The following GRM5 variants were observed in gnomAD, a reference collection of about 807,000 sequenced individuals.
The protein encoded by GRM5 is glutamate metabotropic receptor 5.
Under a neutral mutation model 83.1 loss-of-function variants are expected in GRM5, and 19 were observed. That is an observed-to-expected ratio of 0.23 (90% CI 0.16 to 0.34). The LOEUF (loss-of-function observed/expected upper bound fraction) is 0.34. GRM5 is among the 10% of genes least tolerant of loss of function. The pLI, the probability that GRM5 is intolerant of heterozygous loss-of-function variation, is 1.00. For missense variants in GRM5, 1,160 were observed against 1,588.3 expected (o/e 0.73, Z 4.58); for synonymous variants, 675 against 633.6 (o/e 1.07, Z -0.98).
chr11:88,760,765 T>A (rs1013315974), intron 3 of GRM5, among the ~76,000 whole-genome samples: 2 of 152,006 alleles, frequency 1.3e-5, no homozygotes, highest in African/African-American at 4.8e-5. Context: ...AAAAGAAAAC[T>A]TCAGGCCAAT....
At chr11:88,781,009 C>G (rs1342561770) in intron 3 of GRM5, among the ~76,000 whole-genome samples, 1 of 151,502 alleles carries the variant, frequency 6.6e-6, no homozygotes, top group African/African-American at 2.4e-5. Context: ...TGAAAATAAC[C>G]TCAGGCTGAT....
At position 88,992,749 on chromosome 11, in the gene GRM5, C is replaced by T. The variant is rs528602335; in HGVS notation, c.661+54463G>A. 2.8e-4 allele frequency among the ~76,000 whole-genome samples: 43 copies of T among 151,770 alleles called. 1 individual carries two copies. Among genetic ancestry groups the T allele is most frequent in the Non-Finnish European group, 1.6e-4 (11 of 68,004 alleles). On this transcript the variant is annotated intron_variant, in intron 2 of 9. Coordinates refer to ENST00000305447, the MANE Select transcript of GRM5 (RefSeq NM_001143831.3). ...GGATGAAGCTGGAAACCATCATTCTCAGCAAACTATCGCAAGGACAAAAAA... is the reference window on the plus strand; with the variant it reads ...GGATGAAGCTGGAAACCATCATTCTTAGCAAACTATCGCAAGGACAAAAAA...
chr11:88,770,985 A>C (rs1942725183), intron 3 of GRM5, among the ~76,000 whole-genome samples: 1 of 152,164 alleles, frequency 6.6e-6, no homozygotes. Flanking sequence ...TTAGTCACTT[A>C]AATCAGACAT....
intron 2 of GRM5, among the ~76,000 whole-genome samples, chr11:88,860,682 T>C (rs2135550595): frequency 1.3e-5 from 2 of 152,320 alleles, no homozygotes; most frequent in Non-Finnish European, 2.9e-5. Context: ...GGTTCTGTTG[T>C]AGCCAGATTC....
intron 4 of GRM5, among the ~76,000 whole-genome samples, chr11:88,644,369 T>C (rs949119085): frequency 1.3e-5 from 2 of 152,178 alleles, no homozygotes; most frequent in African/African-American, 4.8e-5. Flanking sequence ...ACAACATTTA[T>C]AAAATGCTTG....
At chr11:89,052,392 T>C (rs528175972) in intron 1 of GRM5, among the ~76,000 whole-genome samples, 1 of 152,150 alleles carries the variant, frequency 6.6e-6, no homozygotes, top group South Asian at 2.1e-4. Context: ...AAAAGTAAGA[T>C]AAAGTGAGAG....
intron 3 of GRM5, among the ~76,000 whole-genome samples, chr11:88,808,170 A>C (rs868404763): frequency 1.1e-4 from 17 of 152,056 alleles, no homozygotes; most frequent in African/African-American, 2.9e-4. Flanking sequence ...TGGAATGCAC[A>C]GACATGTGTA....
At chr11:88,905,310 C>T (rs929815648) in intron 2 of GRM5, among the ~76,000 whole-genome samples, 18 of 152,076 alleles carry the variant, frequency 1.2e-4, no homozygotes, top group African/African-American at 4.3e-4. Flanking sequence ...CAAGAGGTTA[C>T]TTTATTATTT....
At chr11:88,659,783 A>G (rs1939856991) in intron 3 of GRM5, among the ~76,000 whole-genome samples, 1 of 152,224 alleles carries the variant, frequency 6.6e-6, no homozygotes, top group African/African-American at 2.4e-5. Flanking sequence ...AATTACGAAG[A>G]TAAAAGTCTA....
chr11:88,973,119 A>G (rs1388666063), intron 2 of GRM5, among the ~76,000 whole-genome samples: 2 of 152,204 alleles, frequency 1.3e-5, no homozygotes, highest in African/African-American at 2.4e-5. Context: ...TAAAAAGGGT[A>G]TATCTGGGAT....
chr11:88,700,911 T>C (rs1227601529), intron 3 of GRM5, among the ~76,000 whole-genome samples: 2 of 152,148 alleles, frequency 1.3e-5, no homozygotes, highest in Admixed American at 1.3e-4. Context: ...CTTTAACCAA[T>C]ACAGTGTTTC....
chr11:88,636,355 T>C (rs774683422), intron 4 of GRM5, among the ~76,000 whole-genome samples: 58 of 152,036 alleles, frequency 3.8e-4, no homozygotes, highest in Non-Finnish European at 6.6e-4. Context: ...CTACTAGAAA[T>C]ACCAAAATTA....
At chr11:88,927,884 A>T (rs992831152) in intron 2 of GRM5, among the ~76,000 whole-genome samples, 23 of 152,156 alleles carry the variant, frequency 1.5e-4, no homozygotes, top group African/African-American at 4.3e-4. Context: ...ATGATGATCA[A>T]GTGATCCTGG....
At chr11:88,794,887 T>C (rs1224692355) in intron 3 of GRM5, among the ~76,000 whole-genome samples, 1 of 152,142 alleles carries the variant, frequency 6.6e-6, no homozygotes, top group Non-Finnish European at 1.5e-5. Context: ...GACCAGTTAG[T>C]GCAAAAAAAT....
intron 3 of GRM5, among the ~76,000 whole-genome samples, chr11:88,845,423 CTTTTTTTTTTTTTT>C (rs71046265): frequency 6.5e-5 from 6 of 92,448 alleles, no homozygotes; most frequent in Admixed American, 2.6e-4. Context: ...ATAAACATAA[CTTTTTTTTTTTTTT>C]TTTTTTTTTT....
At chr11:88,816,898 G>T (rs1054401324) in intron 3 of GRM5, among the ~76,000 whole-genome samples, 1 of 151,956 alleles carries the variant, frequency 6.6e-6, no homozygotes, top group African/African-American at 2.4e-5. Flanking sequence ...AAATAAAATA[G>T]AAAAGTTCCT....
chr11:88,838,673 A>G (rs893823648), intron 3 of GRM5, among the ~76,000 whole-genome samples: 2 of 152,230 alleles, frequency 1.3e-5, no homozygotes, highest in Non-Finnish European at 2.9e-5. Flanking sequence ...CTCTACAGTT[A>G]CAAATGTTAA....
At chr11:88,883,915 G>A (rs978530052) in intron 2 of GRM5, among the ~76,000 whole-genome samples, 8 of 152,170 alleles carry the variant, frequency 5.3e-5, no homozygotes, top group African/African-American at 1.4e-4. Context: ...AAGGATGTAT[G>A]GAAATGCCTG....
chr11:88,994,456 T>C (rs1940104472), intron 2 of GRM5, among the ~76,000 whole-genome samples: 1 of 126,424 alleles, frequency 7.9e-6, no homozygotes, highest in African/African-American at 3.4e-5. Context: ...TATATATATA[T>C]ATATATATAT....
Sources: gnomAD v4.1 joint callset for allele counts (sites outside exome capture counted in the v4.1 genomes callset) on GRCh38, gnomAD v4.1.1 for gene constraint, MANE v1.5 for transcripts, NCBI Gene and HGNC (gene_info 2026-07-23, HGNC 2026-07-21) for gene names.